TNFRSF13B: variants seen among roughly 807,000 people sequenced by gnomAD.
TNFRSF13B encodes TNF receptor superfamily member 13B.
TNFRSF13B carries 34 observed loss-of-function variants against 24.0 expected under a neutral mutation model. The observed-to-expected ratio is 1.41, with a 90% CI of 1.08 to 1.88. TNFRSF13B has a LOEUF of 1.88. Among genes scored for constraint, TNFRSF13B ranks in the 40% most tolerant of loss-of-function variants. The probability of loss-of-function intolerance (pLI) is 0.00; values close to 1 mark genes in which losing one functional copy is unlikely to be tolerated. For synonymous variants in TNFRSF13B, 173 were observed against 150.3 expected, an observed-to-expected ratio of 1.15 and a Z score of -1.10; for missense variants, 415 against 380.8, an observed-to-expected ratio of 1.09 and a Z score of -0.75.
intron 1 of TNFRSF13B, among the ~76,000 whole-genome samples, chr17:16,962,430 C>T (rs919747163): frequency 6.6e-6 from 1 of 151,908 alleles, no homozygotes; most frequent in Non-Finnish European, 1.5e-5. Flanking sequence ...TCACTTGAAA[C>T]CAGGAGACAG....
intron 1 of TNFRSF13B, among the ~76,000 whole-genome samples, chr17:16,969,889 G>A (rs2087731723): frequency 6.6e-6 from 1 of 152,088 alleles, no homozygotes. Context: ...TTTTGGGTTG[G>A]GGAGCAAAGA....
chr17:16,940,200 C>T (rs2087499075), intron 4 of TNFRSF13B, 126 bp downstream of exon 4: 1 of 1,592,216 alleles, frequency 6.3e-7, no homozygotes, highest in Non-Finnish European at 8.5e-7. Context: ...CAAGGTATAG[C>T]AAGTAACAGG....
intron 1 of TNFRSF13B, among the ~76,000 whole-genome samples, chr17:16,954,578 C>G (rs537402770): frequency 6.6e-6 from 1 of 152,194 alleles, no homozygotes; most frequent in South Asian, 2.1e-4. Context: ...ATGGAGGAAC[C>G]AGAGTGCCTG....
chr17:16,968,414 T>TA (rs750562043), intron 1 of TNFRSF13B, among the ~76,000 whole-genome samples: 1 of 152,200 alleles, frequency 6.6e-6, no homozygotes, highest in Non-Finnish European at 1.5e-5. Flanking sequence ...GCCTAACAGT[T>TA]ATGATCAATG....
chr17:16,949,261 G>A (rs1378993839), intron 2 of TNFRSF13B, among the ~76,000 whole-genome samples: 1 of 152,006 alleles, frequency 6.6e-6, no homozygotes, highest in South Asian at 2.1e-4. Flanking sequence ...TGACCTATGG[G>A]TTATTTACAA....
At chr17:16,942,879 C>T (rs1416382441) in intron 3 of TNFRSF13B, among the ~76,000 whole-genome samples, 12 of 152,344 alleles carry the variant, frequency 7.9e-5, no homozygotes, top group Admixed American at 7.2e-4. Context: ...CTGGACTGGG[C>T]CTCATCCTAT....
intron 3 of TNFRSF13B, 146 bp from the exon 4 acceptor site, chr17:16,940,657 T>TG (rs2087503898): frequency 2.7e-6 from 4 of 1,502,146 alleles, no homozygotes; most frequent in Admixed American, 2.0e-5. Flanking sequence ...CTGAGGCTGC[T>TG]GGGATGCTCT....
rs200013015 is a variant in TNFRSF13B at position 16,972,018 on chromosome 17, G to T, written c.58C>A (p.Arg20Ser). 2 of 1,613,996 alleles carry T rather than the reference G, an allele frequency of 1.2e-6. No individual in the cohort carries two copies. The highest frequency in any genetic ancestry group is 1.7e-6 in the Non-Finnish European group (2 of 1,179,996). Residue 20 changes from arginine to serine, a missense_variant, in exon 1 of 5, where the codon CGC becomes AGC. Coordinates refer to ENST00000261652, the MANE Select transcript of TNFRSF13B (RefSeq NM_012452.3). Reference protein sequence around the residue: ...GGRSRVDQEERFPQGLWTGVA... With the variant: ...GGRSRVDQEESFPQGLWTGVA... ...GCCCTCCTGCCCGGCTACTCACAGC[G>T]CTCCTCCTGGTCCACACGGCTCCGG...
intron 1 of TNFRSF13B, 119 bp downstream of exon 1, chr17:16,971,896 C>T: frequency 1.0e-6 from 1 of 991,232 alleles, no homozygotes; most frequent in Non-Finnish European, 1.6e-6. Context: ...GGGACTGCCC[C>T]AGTGTGTGGA....
intron 3 of TNFRSF13B, among the ~76,000 whole-genome samples, chr17:16,946,901 A>T (rs1303082689): frequency 6.6e-6 from 1 of 151,808 alleles, no homozygotes; most frequent in African/African-American, 2.4e-5. Flanking sequence ...TCTTTTTACA[A>T]TTTTTTTTCC....
chr17:16,964,248 A>G (rs1375476030), intron 1 of TNFRSF13B, among the ~76,000 whole-genome samples: 4 of 151,672 alleles, frequency 2.6e-5, no homozygotes, highest in Non-Finnish European at 4.4e-5. Context: ...AATACTGAAA[A>G]TGGCTCTAAG....
chr17:16,947,593 C>T (rs184115405), intron 3 of TNFRSF13B, among the ~76,000 whole-genome samples: 230 of 152,244 alleles, frequency 1.5e-3, no homozygotes, highest in Admixed American at 5.7e-3. Flanking sequence ...ACAAACATGA[C>T]AAAATGCTCA....
intron 3 of TNFRSF13B, among the ~76,000 whole-genome samples, chr17:16,941,722 T>C (rs1276669765): frequency 6.6e-6 from 1 of 152,148 alleles, no homozygotes; most frequent in Non-Finnish European, 1.5e-5. Context: ...TTGGAGACAA[T>C]TTTTATCACC....
rs574807407 is a variant in TNFRSF13B, at chr17:16,953,825, G to A, written c.62-1242C>T. On this transcript the variant is annotated intron_variant, in intron 1 of 4. Transcript: ENST00000261652. ...TCTCTGTTGCCCAGGCTGGAGTGCA[G>A]TGGGTGTGATCTTGGCTCACAGCAA... Among the ~76,000 whole-genome samples, 6 of 152,176 alleles carry A rather than the reference G, an allele frequency of 3.9e-5. No individual in the cohort carries two copies. The East Asian group carries it at 1.2e-3, about 29-fold the overall frequency.
intron 1 of TNFRSF13B, among the ~76,000 whole-genome samples, chr17:16,961,759 C>T: frequency 6.6e-6 from 1 of 152,138 alleles, no homozygotes; most frequent in East Asian, 1.9e-4. Flanking sequence ...AAGTAGAAAG[C>T]AGAAAGTAAG....
intron 1 of TNFRSF13B, among the ~76,000 whole-genome samples, chr17:16,962,039 C>T (rs577687390): frequency 6.6e-6 from 1 of 152,250 alleles, no homozygotes; most frequent in African/African-American, 2.4e-5. Context: ...CTAGAGGGTA[C>T]TCTATCCCAG....
chr17:16,946,492 C>G (rs1452537006), intron 3 of TNFRSF13B, among the ~76,000 whole-genome samples: 2 of 152,100 alleles, frequency 1.3e-5, no homozygotes, highest in East Asian at 3.8e-4. Flanking sequence ...TCAACAGGAC[C>G]CTTCTTGCCA....
rs376630110 is a variant in TNFRSF13B, at chr17:16,940,391, CTCT to C, written c.563_565del (p.Lys188del). 8.1e-4 allele frequency: 1,307 copies of C among 1,614,090 alleles called. 17 individuals are homozygous for C. The South Asian group carries it at 0.013, about 17-fold the overall frequency. On this transcript the variant is annotated inframe_deletion, in exon 4 of 5. Transcript: ENST00000261652. ...GGGCTGGCAGGAGCAGGGATCCCCCCTCTTCTTGAGGAAGCAGGCCACCGCCAC... is the reference window on the plus strand; with the variant it reads ...GGGCTGGCAGGAGCAGGGATCCCCCCTCTTGAGGAAGCAGGCCACCGCCAC...
intron 3 of TNFRSF13B, among the ~76,000 whole-genome samples, chr17:16,947,959 G>A (rs1303400744): frequency 6.6e-6 from 1 of 152,210 alleles, no homozygotes; most frequent in Non-Finnish European, 1.5e-5. Context: ...GGTGCCCATC[G>A]ATGGTTGGAT....
Sources: gnomAD v4.1 joint callset for allele counts (sites outside exome capture counted in the v4.1 genomes callset) on GRCh38, gnomAD v4.1.1 for gene constraint, MANE v1.5 for transcripts, NCBI Gene and HGNC (gene_info 2026-07-23, HGNC 2026-07-21) for gene names.